Variants in ROBO1 observed in about 807,000 individuals in gnomAD.
ROBO1 encodes roundabout homolog 1.
Under a neutral mutation model 195.9 loss-of-function variants are expected in ROBO1, and 149 were observed. The ratio of observed to expected loss-of-function variants is 0.76; its 90% CI spans 0.67 to 0.87. The LOEUF is 0.87. ROBO1 is among the 40% of genes least tolerant of loss of function. ROBO1 has a pLI of 0.00. For missense variants in ROBO1, 1,933 were observed against 2,068.3 expected, an observed-to-expected ratio of 0.93 and a Z score of 1.27; for synonymous variants, 816 against 733.2, an observed-to-expected ratio of 1.11 and a Z score of -1.82.
In ROBO1 at chr3:78,824,787, T is replaced by C. The variant is rs141411558; in HGVS notation, c.500-77887A>G. ...CTAAATTAGGCAAATAACATAATGG[T>C]TGCATGCACATAGTAATAAAGCACA... is the stretch of plus-strand genomic sequence containing the variant. On this transcript the variant is annotated intron_variant, in intron 4 of 30. Coordinates refer to ENST00000464233, the MANE Select transcript of ROBO1 (RefSeq NM_002941.4). 2.8e-4 allele frequency among the ~76,000 whole-genome samples: 43 copies of C among 152,288 alleles called. 1 individual carries two copies. The highest frequency in any genetic ancestry group is 9.9e-4 in the African/African-American group (41 of 41,584).
At chr3:79,141,925 T>C (rs1460321385) in intron 2 of ROBO1, among the ~76,000 whole-genome samples, 4 of 152,180 alleles carry the variant, frequency 2.6e-5, no homozygotes, top group African/African-American at 7.2e-5. Flanking sequence ...TTTGTTTTCC[T>C]GCGTATTATT....
chr3:79,276,299 G>T (rs1325361085), intron 2 of ROBO1, among the ~76,000 whole-genome samples: 2 of 151,588 alleles, frequency 1.3e-5, no homozygotes, highest in Non-Finnish European at 3.0e-5. Context: ...AATAGGGAGA[G>T]AACTCAGAAA....
intron 4 of ROBO1, among the ~76,000 whole-genome samples, chr3:78,887,703 G>T (rs770123917): frequency 2.0e-5 from 3 of 152,116 alleles, no homozygotes; most frequent in Non-Finnish European, 2.9e-5. Flanking sequence ...CTAACGAAGG[G>T]GTGTTTTGCT....
intron 3 of ROBO1, among the ~76,000 whole-genome samples, chr3:79,017,118 A>C (rs2077962398): frequency 6.6e-6 from 1 of 152,196 alleles, no homozygotes; most frequent in African/African-American, 2.4e-5. Context: ...TTAAAGAAGT[A>C]ACAATTTAAT....
At chr3:79,517,342 C>T (rs1940994403) in intron 2 of ROBO1, among the ~76,000 whole-genome samples, 1 of 152,134 alleles carries the variant, frequency 6.6e-6, no homozygotes, top group Admixed American at 6.6e-5. Context: ...CGACACTGAC[C>T]ATCACTCTCT....
chr3:79,587,135 T>C lies in ROBO1; in HGVS notation c.88+2689A>G, dbSNP rs116830998. Among the ~76,000 whole-genome samples the C allele has an allele frequency of 4.9e-3, 744 of 151,926 alleles. 7 individuals carry two copies. The highest frequency in any genetic ancestry group is 0.017 in the African/African-American group (705 of 41,508). On this transcript the variant is annotated intron_variant, in intron 2 of 30. Transcript: ENST00000464233. ...ATTTACTAAATACAAGTAATTTGTTTGCCTTCTCATATACCAACCATTTCA... is the reference window on the plus strand; with the variant it reads ...ATTTACTAAATACAAGTAATTTGTTCGCCTTCTCATATACCAACCATTTCA...
chr3:79,710,484 G>T (rs1355518139), intron 1 of ROBO1, among the ~76,000 whole-genome samples: 1 of 152,110 alleles, frequency 6.6e-6, no homozygotes, highest in African/African-American at 2.4e-5. Flanking sequence ...TTTCAGAAAT[G>T]AAGTGAAATA....
intron 3 of ROBO1, among the ~76,000 whole-genome samples, chr3:79,113,266 C>T (rs1218878375): frequency 6.6e-6 from 1 of 152,102 alleles, no homozygotes; most frequent in Non-Finnish European, 1.5e-5. Flanking sequence ...GAATTTTATC[C>T]TAAGTACCTC....
chr3:78,731,612 G>C (rs1323324565), intron 5 of ROBO1, among the ~76,000 whole-genome samples: 1 of 151,960 alleles, frequency 6.6e-6, no homozygotes, highest in Non-Finnish European at 1.5e-5. Context: ...GAATTCTTAT[G>C]ATTTCAGTCA....
chr3:79,289,975 A>T (rs1448834668), intron 2 of ROBO1, among the ~76,000 whole-genome samples: 1 of 152,046 alleles, frequency 6.6e-6, no homozygotes, highest in Non-Finnish European at 1.5e-5. Context: ...CAAAAAAAAA[A>T]TTGACCTTGA....
chr3:78,880,709 T>C (rs2036128183), intron 4 of ROBO1, among the ~76,000 whole-genome samples: 2 of 152,202 alleles, frequency 1.3e-5, no homozygotes, highest in Non-Finnish European at 2.9e-5. Flanking sequence ...ATCTGCTTTT[T>C]TTTCTATTTC....
At chr3:79,350,086 A>G (rs572175495) in intron 2 of ROBO1, among the ~76,000 whole-genome samples, 1 of 152,346 alleles carries the variant, frequency 6.6e-6, no homozygotes, top group Non-Finnish European at 1.5e-5. Context: ...ACAAAACAGC[A>G]TAATAAAGAG....
intron 4 of ROBO1, among the ~76,000 whole-genome samples, chr3:78,871,043 G>A (rs1329918538): frequency 2.6e-5 from 4 of 152,060 alleles, no homozygotes; most frequent in Admixed American, 6.6e-5. Context: ...TACATTTCTC[G>A]TTAGCTGTTA....
chr3:79,483,122 ATATT>A (rs894508281), intron 2 of ROBO1, among the ~76,000 whole-genome samples: 2 of 152,204 alleles, frequency 1.3e-5, no homozygotes, highest in South Asian at 2.1e-4. Flanking sequence ...GTTTGAACCA[ATATT>A]TATTTTTTTA....
chr3:78,867,858 C>T (rs1442946633), intron 4 of ROBO1, among the ~76,000 whole-genome samples: 2 of 152,102 alleles, frequency 1.3e-5, no homozygotes, highest in Admixed American at 6.6e-5. Context: ...TTTCTGCCAT[C>T]TCCGAAAATC....
At chr3:79,185,800 C>A (rs2081427928) in intron 2 of ROBO1, among the ~76,000 whole-genome samples, 1 of 152,112 alleles carries the variant, frequency 6.6e-6, no homozygotes, top group Non-Finnish European at 1.5e-5. Context: ...GACATGAGCA[C>A]AGCTTGCTTT....
chr3:79,534,271 G>A (rs779433220), intron 2 of ROBO1, among the ~76,000 whole-genome samples: 11 of 151,058 alleles, frequency 7.3e-5, no homozygotes, highest in Non-Finnish European at 1.6e-4. Context: ...TATGACCTAC[G>A]TGACTTAAAT....
At chr3:78,884,866 C>CTGTGTGTGTGTGTGTGTGTGTG (rs376764608) in intron 4 of ROBO1, among the ~76,000 whole-genome samples, 2 of 147,182 alleles carry the variant, frequency 1.4e-5, no homozygotes, top group African/African-American at 5.0e-5. Flanking sequence ...CTCTCTCTTT[C>CTGTGTGTGTGTGTGTGTGTGTG]TGTGTGTGTG....
chr3:79,550,672 C>T (rs1195085558), intron 2 of ROBO1, among the ~76,000 whole-genome samples: 1 of 152,092 alleles, frequency 6.6e-6, no homozygotes, highest in African/African-American at 2.4e-5. Context: ...TAATTCCCAG[C>T]AAATACCAAA....
Sources: gnomAD v4.1 joint callset for allele counts (sites outside exome capture counted in the v4.1 genomes callset) on GRCh38, gnomAD v4.1.1 for gene constraint, MANE v1.5 for transcripts, NCBI Gene and HGNC (gene_info 2026-07-23, HGNC 2026-07-21) for gene names.